The following GALNT2 variants were observed in gnomAD, a reference collection of about 807,000 sequenced individuals.
GALNT2 encodes polypeptide N-acetylgalactosaminyltransferase 2.
In GALNT2, 31 loss-of-function variants were observed where a neutral mutation model predicts 81.4. That is an observed-to-expected ratio of 0.38 (90% CI 0.29 to 0.51). GALNT2 has a LOEUF of 0.51. Ranked by LOEUF, GALNT2 falls within the 20% of genes least tolerant of loss-of-function variation. The pLI, the probability that GALNT2 is intolerant of heterozygous loss-of-function variation, is 0.87. For missense variants in GALNT2, 629 were observed against 765.7 expected, an observed-to-expected ratio of 0.82 and a Z score of 2.11; for synonymous variants, 303 against 287.4, an observed-to-expected ratio of 1.05 and a Z score of -0.55.
chr1:230,137,413 A>G (rs1661584566), intron 1 of GALNT2, among the ~76,000 whole-genome samples: 1 of 152,206 alleles, frequency 6.6e-6, no homozygotes, highest in African/African-American at 2.4e-5. Flanking sequence ...GCCCATGGTC[A>G]GAGAGCCTGC....
At chr1:230,106,840 G>A (rs1660559467) in intron 1 of GALNT2, among the ~76,000 whole-genome samples, 1 of 152,180 alleles carries the variant, frequency 6.6e-6, no homozygotes, top group Admixed American at 6.5e-5. Flanking sequence ...TAGCCTGGAT[G>A]ATAATGTTTA....
chr1:230,262,662 G>A lies in GALNT2; in HGVS notation c.1226G>A (p.Gly409Glu). The A allele has an allele frequency of 6.4e-7, 1 of 1,559,072 alleles. No individual in the cohort carries two copies. Among genetic ancestry groups the A allele is most frequent in the Non-Finnish European group, 8.8e-7 (1 of 1,138,280 alleles). ...CCTTCTGCTAGAAACGTTCCTTATG[G>A]AAAGTAAGTGGCAGTTCTGCCTTCT... ...AVPSARNVPYGNIQSRLELRK... is the reference protein window; with the variant it reads ...AVPSARNVPYENIQSRLELRK... Residue 409 changes from glycine to glutamate, a missense_variant, in exon 12 of 16, where the codon GGA (glycine) becomes GAA (glutamate). Around this residue, in one of 3 missense-constraint regions of GALNT2, gnomAD observed 207 missense variants for 225.5 expected, o/e 0.92. Transcript: ENST00000366672.
intron 3 of GALNT2, among the ~76,000 whole-genome samples, chr1:230,205,639 T>G (rs1664037248): frequency 6.6e-6 from 1 of 152,162 alleles, no homozygotes; most frequent in Non-Finnish European, 1.5e-5. Context: ...GAGCCATGCA[T>G]GGGCTTTGGG....
intron 7 of GALNT2, among the ~76,000 whole-genome samples, chr1:230,244,778 C>T (rs1204423642): frequency 1.3e-5 from 2 of 152,214 alleles, no homozygotes; most frequent in African/African-American, 2.4e-5. Context: ...GTGTTCTTCT[C>T]TGCCCTCAAT....
chr1:230,118,673 A>G (rs1306477374), intron 1 of GALNT2, among the ~76,000 whole-genome samples: 2 of 150,776 alleles, frequency 1.3e-5, no homozygotes, highest in African/African-American at 2.4e-5. Context: ...CCTTTGCCCT[A>G]CGGGGACTGG....
chr1:230,232,915 A>C (rs1485098042), intron 3 of GALNT2, among the ~76,000 whole-genome samples: 1 of 152,190 alleles, frequency 6.6e-6, no homozygotes, highest in South Asian at 2.1e-4. Flanking sequence ...GTTTCCCCCC[A>C]AAAACTAGTA....
At chr1:230,071,079 A>G (rs527279480) in intron 1 of GALNT2, among the ~76,000 whole-genome samples, 1 of 152,204 alleles carries the variant, frequency 6.6e-6, no homozygotes, top group Non-Finnish European at 1.5e-5. Flanking sequence ...AATAACTGCT[A>G]TCTCTAAAAG....
At chr1:230,246,660 C>T (rs1420010284) in intron 8 of GALNT2, among the ~76,000 whole-genome samples, 1 of 152,206 alleles carries the variant, frequency 6.6e-6, no homozygotes, top group Non-Finnish European at 1.5e-5. Context: ...TCTGCTGATA[C>T]AGCCCCTTGC....
intron 1 of GALNT2, among the ~76,000 whole-genome samples, chr1:230,170,321 A>G (rs1662749865): frequency 6.6e-6 from 1 of 152,230 alleles, no homozygotes; most frequent in South Asian, 2.1e-4. Context: ...GAGAGACTGA[A>G]TGAAGCCTGT....
intron 1 of GALNT2, among the ~76,000 whole-genome samples, chr1:230,122,305 C>T (rs188362279): frequency 3.9e-5 from 6 of 152,250 alleles, no homozygotes; most frequent in Admixed American, 1.3e-4. Flanking sequence ...GAAAAGATAT[C>T]GCTTTCCCTT....
intron 1 of GALNT2, among the ~76,000 whole-genome samples, chr1:230,084,358 G>A (rs1427261232): frequency 1.3e-5 from 2 of 152,238 alleles, no homozygotes; most frequent in African/African-American, 2.4e-5. Context: ...GAATGATCCA[G>A]TGTGGCAGAA....
chr1:230,131,190 C>G (rs1348448927), intron 1 of GALNT2, among the ~76,000 whole-genome samples: 3 of 151,822 alleles, frequency 2.0e-5, no homozygotes, highest in African/African-American at 4.8e-5. Flanking sequence ...AAACCTGGAC[C>G]CCCACCAAAT....
chr1:230,124,895 C>T (rs1661127107), intron 1 of GALNT2, among the ~76,000 whole-genome samples: 1 of 152,092 alleles, frequency 6.6e-6, no homozygotes, highest in African/African-American at 2.4e-5. Flanking sequence ...GGATTGTGGC[C>T]CTGTGGTTAC....
At chr1:230,128,466 A>T (rs1235887528) in intron 1 of GALNT2, among the ~76,000 whole-genome samples, 1 of 151,992 alleles carries the variant, frequency 6.6e-6, no homozygotes, top group African/African-American at 2.4e-5. Flanking sequence ...CTGCTTATTA[A>T]ATTCAGTGGG....
rs1379820018 is a variant in GALNT2, at chr1:230,070,946, C to T, written c.126+3540C>T. On this transcript the variant is annotated intron_variant, in intron 1 of 15. Transcript: ENST00000366672. This position sits in a 1 kb window ranked among gnomAD's most constrained non-coding sequence, Gnocchi z 4.7. ...AGACCTAGCTGTTTACCTCTTTGTG[C>T]TTAGTGACCTTCACTGATGCATTGA... is the stretch of plus-strand genomic sequence containing the variant. Among the ~76,000 whole-genome samples the T allele has an allele frequency of 6.6e-6, 1 of 152,190 alleles. No homozygotes were observed. Among genetic ancestry groups the T allele is most frequent in the Non-Finnish European group, 1.5e-5 (1 of 68,040 alleles).
intron 1 of GALNT2, among the ~76,000 whole-genome samples, chr1:230,133,534 A>T (rs10746512): frequency 0.53 from 79,755 of 150,880 alleles, 21,448 homozygotes; most frequent in African/African-American, 0.62. Context: ...GCTCACTGCA[A>T]CCTCCACCTC....
In GALNT2 at chr1:230,262,911, C is replaced by G. The variant is rs371877047; in HGVS notation, c.1230-11C>G. ...AAATTTATAAAGGAATCTTATTTCC[C>G]TCTTCTCCAGTATTCAGAGCAGATT... On this transcript the variant is annotated splice_polypyrimidine_tract_variant and intron_variant, in intron 12 of 15. Coordinates refer to ENST00000366672, the MANE Select transcript of GALNT2 (RefSeq NM_004481.5). The G allele has an allele frequency of 1.2e-6, 2 of 1,610,524 alleles. No individual in the cohort carries two copies. Among genetic ancestry groups the G allele is most frequent in the South Asian group, 2.2e-5 (2 of 90,816 alleles).
At position 230,243,400 on chromosome 1, in the gene GALNT2, G is replaced by A. The variant is rs777096608; in HGVS notation, c.702G>A (p.Leu234=). Residue 234 remains leucine (L), a synonymous_variant, in exon 7 of 16, where the codon CTG becomes CTA. Coordinates refer to ENST00000366672, the MANE Select transcript of GALNT2 (RefSeq NM_004481.5). The surrounding 1 kb of genome is among the most constrained non-coding windows in gnomAD (Gnocchi z 4.2). ...ACTGCGAGTGTAATGAGCACTGGCT[G>A]GAGCCCCTCCTGGAAAGGGTGGCGG... ...DSHCECNEHW[L]EPLLERVAED... The A allele has an allele frequency of 1.2e-6, 2 of 1,612,412 alleles. No individual in the cohort carries two copies. The highest frequency in any genetic ancestry group is 4.5e-5 in the East Asian group (2 of 44,838).
At chr1:230,250,123 A>G (rs571808888) in intron 9 of GALNT2, among the ~76,000 whole-genome samples, 36 of 152,326 alleles carry the variant, frequency 2.4e-4, no homozygotes, top group Admixed American at 2.2e-3. Flanking sequence ...AAGGAAACTG[A>G]CACACAGAAA....
Sources: gnomAD v4.1 joint callset for allele counts (sites outside exome capture counted in the v4.1 genomes callset) on GRCh38, gnomAD v4.1.1 for gene constraint, gnomAD v4.1.1 regional missense constraint, Gnocchi (gnomAD v3.1) non-coding constraint, MANE v1.5 for transcripts, NCBI Gene and HGNC (gene_info 2026-07-23, HGNC 2026-07-21) for gene names.